Variants in SKAP2 observed in about 807,000 individuals in gnomAD.
The protein encoded by SKAP2 is src kinase associated phosphoprotein 2, also known as src kinase-associated phosphoprotein 2.
A neutral mutation model predicts 54.9 loss-of-function variants in SKAP2; 28 were observed. The ratio of observed to expected loss-of-function variants is 0.51; its 90% CI spans 0.38 to 0.70. The LOEUF (loss-of-function observed/expected upper bound fraction) is 0.70. Among genes scored for constraint, SKAP2 ranks in the 30% least tolerant of loss-of-function variants. The pLI is 0.00. For missense variants in SKAP2, 356 were observed against 424.1 expected (o/e 0.84, Z 1.41); for synonymous variants, 137 against 134.3 (o/e 1.02, Z -0.14).
rs1190070146 is a variant in SKAP2 at position 26,713,598 on chromosome 7, TTTG to T, written c.796+11827_796+11829del. The stretch of plus-strand genomic sequence containing the variant: ...GTGCTAAGATGCTTATTTGTTCTTT[TTTG>T]TTTTTTTTTTTGTTTTTAGATGGAG... On this transcript the variant is annotated intron_variant, in intron 9 of 12. Transcript: ENST00000345317. Among the ~76,000 whole-genome samples, 32 of 149,396 alleles carry T rather than the reference TTTG, an allele frequency of 2.1e-4. 1 individual carries two copies. The highest frequency in any genetic ancestry group is 6.0e-5 in the Non-Finnish European group (4 of 67,068).
intron 4 of SKAP2, among the ~76,000 whole-genome samples, chr7:26,836,561 T>G (rs1784716923): frequency 6.6e-6 from 1 of 152,102 alleles, no homozygotes; most frequent in Non-Finnish European, 1.5e-5. Flanking sequence ...AAGAAGACAT[T>G]TATGCGGCCA....
chr7:26,662,726 C>CA (rs1215053243), downstream of SKAP2, among the ~76,000 whole-genome samples: 1 of 152,108 alleles, frequency 6.6e-6, no homozygotes, highest in Non-Finnish European at 1.5e-5. Context: ...TAATAACACA[C>CA]ATTCACAAGA....
intron 4 of SKAP2, among the ~76,000 whole-genome samples, chr7:26,818,419 C>T (rs1342275699): frequency 3.9e-5 from 6 of 152,222 alleles, no homozygotes; most frequent in East Asian, 3.9e-4. Context: ...CTTCCTTACA[C>T]CTTATACAAA....
chr7:26,748,243 T>A (rs1010840385), intron 4 of SKAP2, among the ~76,000 whole-genome samples: 1 of 152,194 alleles, frequency 6.6e-6, no homozygotes, highest in Middle Eastern at 3.2e-3. Context: ...AACCACTAGT[T>A]ATCACATTGT....
intron 10 of SKAP2, among the ~76,000 whole-genome samples, chr7:26,690,007 C>G (rs1786746586): frequency 6.6e-6 from 1 of 152,168 alleles, no homozygotes; most frequent in Non-Finnish European, 1.5e-5. Flanking sequence ...ATTTATGCAA[C>G]TAAATCTCCT....
At chr7:26,689,885 C>T (rs1417469565) in intron 10 of SKAP2, among the ~76,000 whole-genome samples, 1 of 152,152 alleles carries the variant, frequency 6.6e-6, no homozygotes, top group Admixed American at 6.5e-5. Context: ...TCTGCTCAAG[C>T]ACAAAGTATA....
intron 9 of SKAP2, among the ~76,000 whole-genome samples, chr7:26,715,761 A>C (rs1444660301): frequency 3.3e-5 from 5 of 152,152 alleles, no homozygotes; most frequent in Non-Finnish European, 7.3e-5. Flanking sequence ...CCTGGGTGAC[A>C]AGAACAAAAC....
chr7:26,806,637 C>A (rs1784029618), intron 4 of SKAP2, among the ~76,000 whole-genome samples: 1 of 152,118 alleles, frequency 6.6e-6, no homozygotes. Flanking sequence ...AAGGTAAAGT[C>A]ATTGAAGGTA....
At chr7:26,791,704 A>G (rs1783676353) in intron 4 of SKAP2, among the ~76,000 whole-genome samples, 1 of 152,244 alleles carries the variant, frequency 6.6e-6, no homozygotes, top group African/African-American at 2.4e-5. Flanking sequence ...AAATGAAGAA[A>G]GGGACAATAC....
chr7:26,864,356 T>A lies in SKAP2; in HGVS notation c.67+7A>T, dbSNP rs777414608. 1.3e-5 allele frequency: 21 copies of A among 1,613,478 alleles called. No individual in the cohort carries two copies. The South Asian group carries it at 2.3e-4, about 18-fold the overall frequency. On this transcript the variant is annotated splice_region_variant and intron_variant, in intron 1 of 12. Coordinates refer to ENST00000345317, the MANE Select transcript of SKAP2 (RefSeq NM_003930.5). The stretch of plus-strand genomic sequence containing the variant: ...GACAGCATTATCGCCGCCTTCCCGC[T>A]CTTTACCTGCCAACAGGTTCCTAAT...
chr7:26,820,664 C>T (rs553863974), intron 4 of SKAP2, among the ~76,000 whole-genome samples: 23 of 152,142 alleles, frequency 1.5e-4, no homozygotes, highest in Non-Finnish European at 2.8e-4. Context: ...TGAACCACCA[C>T]GTAAAAATGC....
At chr7:26,824,485 A>T (rs1784447831) in intron 4 of SKAP2, among the ~76,000 whole-genome samples, 1 of 152,230 alleles carries the variant, frequency 6.6e-6, no homozygotes, top group Non-Finnish European at 1.5e-5. Flanking sequence ...TCAAAAGTCA[A>T]ATACTGGTTT....
intron 4 of SKAP2, among the ~76,000 whole-genome samples, chr7:26,832,336 G>T (rs1485091166): frequency 6.6e-6 from 1 of 152,094 alleles, no homozygotes; most frequent in African/African-American, 2.4e-5. Flanking sequence ...TATATCTAAG[G>T]CTTGACTGAC....
intron 2 of SKAP2, 39 bp downstream of exon 2, chr7:26,854,746 C>A (rs1344296912): frequency 1.3e-6 from 2 of 1,534,220 alleles, no homozygotes; most frequent in Admixed American, 1.9e-5. Flanking sequence ...AAAACTGCTT[C>A]TATGTAAGAA....
At chr7:26,829,070 C>T (rs1172344340) in intron 4 of SKAP2, among the ~76,000 whole-genome samples, 1 of 151,954 alleles carries the variant, frequency 6.6e-6, no homozygotes, top group African/African-American at 2.4e-5. Context: ...AAAGAAAACA[C>T]AGATAAATTA....
chr7:26,670,588 T>C (rs1584321316), intron 11 of SKAP2, among the ~76,000 whole-genome samples: 2 of 152,226 alleles, frequency 1.3e-5, no homozygotes, highest in South Asian at 4.1e-4. Flanking sequence ...AAGAAGCTTA[T>C]CATCTAGCAA....
intron 4 of SKAP2, among the ~76,000 whole-genome samples, chr7:26,771,717 T>C (rs1783194093): frequency 6.6e-6 from 1 of 152,348 alleles, no homozygotes; most frequent in East Asian, 1.9e-4. Flanking sequence ...TACCACTGAT[T>C]TAGTAGATTT....
intron 4 of SKAP2, among the ~76,000 whole-genome samples, chr7:26,841,384 AG>A (rs1784813694): frequency 6.6e-6 from 1 of 151,480 alleles, no homozygotes; most frequent in Non-Finnish European, 1.5e-5. Flanking sequence ...CGTACCTGGC[AG>A]GGTTTGGAAA....
At chr7:26,682,117 T>C (rs745621867) in intron 11 of SKAP2, among the ~76,000 whole-genome samples, 3 of 152,230 alleles carry the variant, frequency 2.0e-5, no homozygotes, top group Non-Finnish European at 2.9e-5. Flanking sequence ...TAGTGGTTTC[T>C]ATACTAATTG....
Sources: gnomAD v4.1 joint callset for allele counts (sites outside exome capture counted in the v4.1 genomes callset) on GRCh38, gnomAD v4.1.1 for gene constraint, MANE v1.5 for transcripts, NCBI Gene and HGNC (gene_info 2026-07-23, HGNC 2026-07-21) for gene names.